Variants in PBX1 observed in about 807,000 individuals in gnomAD.
The protein encoded by PBX1 is pre-B-cell leukemia transcription factor 1.
In PBX1, 6 loss-of-function variants were observed where a neutral mutation model predicts 53.4. The ratio of observed to expected loss-of-function variants is 0.11; its 90% CI spans 0.06 to 0.22. PBX1 has a LOEUF of 0.22. Among genes scored for constraint, PBX1 ranks in the 10% least tolerant of loss-of-function variants. The pLI is 1.00. For missense variants in PBX1, 251 were observed against 551.4 expected (o/e 0.46, Z 5.46); for synonymous variants, 204 against 212.3 (o/e 0.96, Z 0.34).
chr1:164,728,139 A>T (rs1391840198), intron 2 of PBX1, among the ~76,000 whole-genome samples: 2 of 152,136 alleles, frequency 1.3e-5, no homozygotes, highest in Non-Finnish European at 2.9e-5. Flanking sequence ...AGCCTGGGCC[A>T]CATAGTAGAC....
rs539640144 is a variant in PBX1, at chr1:164,788,886, A to T, written c.266-3608A>T. Among the ~76,000 whole-genome samples, 262 of 152,026 alleles carry T rather than the reference A, an allele frequency of 1.7e-3. 1 individual carries two copies. The highest frequency in any genetic ancestry group is 6.8e-3 in the Middle Eastern group (2 of 294). ...GTGGTGCATTGTATCTATCTTATCA[A>T]TTTCTAATTGGCCACATTTAGAAAC... On this transcript the variant is annotated intron_variant, in intron 2 of 8. Transcript: ENST00000420696.
intron 2 of PBX1, among the ~76,000 whole-genome samples, chr1:164,791,425 C>G (rs1195668286): frequency 1.3e-5 from 2 of 152,222 alleles, no homozygotes; most frequent in African/African-American, 4.8e-5. Flanking sequence ...TTGTTTCCAA[C>G]AGGACAGAGT....
chr1:164,836,955 T>G (rs952166225), intron 8 of PBX1, among the ~76,000 whole-genome samples: 3 of 152,212 alleles, frequency 2.0e-5, no homozygotes, highest in Non-Finnish European at 4.4e-5. Context: ...ATGTCCTAAG[T>G]GTACTTGAAT....
chr1:164,626,065 C>T lies in PBX1; in HGVS notation c.265+62754C>T, dbSNP rs1318225953. ...CCGTTACCCCCCAGCCCACACACCA[C>T]CACCCCAGTTTTGGGTGGGGAGAAG... On this transcript the variant is annotated intron_variant, in intron 2 of 8. Coordinates refer to ENST00000420696, the MANE Select transcript of PBX1 (RefSeq NM_002585.4). 2.9e-6 allele frequency: 3 copies of T among 1,035,816 alleles called. No individual in the cohort carries two copies. The East Asian group carries it at 1.7e-4, about 60-fold the overall frequency. 64.2% of individuals were successfully genotyped at this position (1,035,816 alleles called of 1,614,324 possible).
At chr1:164,867,674 C>T (rs561634020) in intron 2 of PBX1, among the ~76,000 whole-genome samples, 1 of 152,326 alleles carries the variant, frequency 6.6e-6, no homozygotes, top group African/African-American at 2.4e-5. Flanking sequence ...CAGAATCAGC[C>T]AGATACCCAG....
chr1:164,874,898 C>T (rs1014762574), intron 2 of PBX1, among the ~76,000 whole-genome samples: 3 of 152,148 alleles, frequency 2.0e-5, no homozygotes, highest in African/African-American at 7.2e-5. Flanking sequence ...AGGAAAATGA[C>T]GGACTCATTT....
At chr1:164,844,277 A>G (rs1671453039) in intron 8 of PBX1, among the ~76,000 whole-genome samples, 1 of 152,024 alleles carries the variant, frequency 6.6e-6, no homozygotes, top group African/African-American at 2.4e-5. Context: ...AGATTTTCTT[A>G]TCTCGGGAAC....
At chr1:164,639,777 C>T (rs536899511) in intron 2 of PBX1, 1 of 152,282 alleles carries the variant, frequency 6.6e-6, no homozygotes, top group Non-Finnish European at 1.5e-5. Flanking sequence ...ATCCTCCCAC[C>T]TCAGCCTCCC....
At chr1:164,750,145 GGTGTGTGTGTGTGT>G (rs10665357) in intron 2 of PBX1, among the ~76,000 whole-genome samples, 3 of 140,806 alleles carry the variant, frequency 2.1e-5, no homozygotes, top group African/African-American at 8.0e-5. Context: ...GGGGCTAGTT[GGTGTGTGTGTGTGT>G]GTGTGTGTGT....
intron 2 of PBX1, among the ~76,000 whole-genome samples, chr1:164,669,888 G>T (rs1270968715): frequency 6.6e-6 from 1 of 152,172 alleles, no homozygotes; most frequent in Non-Finnish European, 1.5e-5. Flanking sequence ...GTGCTCTGAT[G>T]TTGGGTGCAT....
chr1:164,786,681 CTGTGTGTGTGTGTGTGTGTGTG>C (rs74747780), intron 2 of PBX1, among the ~76,000 whole-genome samples: 4 of 140,614 alleles, frequency 2.8e-5, no homozygotes, highest in Non-Finnish European at 4.6e-5. Context: ...TCAGAAGAGA[CTGTGTGTGTGTGTGTGTGTGTG>C]TGTGTGTGTG....
At chr1:164,590,166 C>T (rs896225615) in intron 2 of PBX1, among the ~76,000 whole-genome samples, 1 of 151,144 alleles carries the variant, frequency 6.6e-6, no homozygotes, top group African/African-American at 2.4e-5. Flanking sequence ...GAGCCGTGAT[C>T]GTGCTGCTGT....
intron 2 of PBX1, among the ~76,000 whole-genome samples, chr1:164,751,389 C>T (rs1031416876): frequency 2.0e-5 from 3 of 151,550 alleles, no homozygotes; most frequent in African/African-American, 7.3e-5. Context: ...ATGGAGTTTT[C>T]CACAGGCTTC....
intron 8 of PBX1, among the ~76,000 whole-genome samples, chr1:164,845,471 T>C (rs1490835470): frequency 6.6e-6 from 1 of 152,192 alleles, no homozygotes; most frequent in African/African-American, 2.4e-5. Flanking sequence ...CAGGGATGTC[T>C]CAGACCTGAT....
intron 3 of PBX1, among the ~76,000 whole-genome samples, chr1:164,797,313 A>C (rs1206112428): frequency 2.0e-5 from 3 of 152,152 alleles, no homozygotes. Flanking sequence ...CTTTGAGCCC[A>C]GACGAGGTGG....
chr1:164,875,988 G>GTATATATATA (rs369277110), intron 2 of PBX1, among the ~76,000 whole-genome samples: 1,902 of 56,678 alleles, frequency 0.034, 205 homozygotes, highest in African/African-American at 0.073. Flanking sequence ...TGGTGTATGT[G>GTATATATATA]TATATATATA....
intron 2 of PBX1, chr1:164,684,013 T>G (rs1661945417): frequency 6.6e-6 from 1 of 152,134 alleles, no homozygotes; most frequent in South Asian, 2.1e-4. Context: ...TGAAGGGGTC[T>G]CAGTATGTTG....
rs186833398 is a variant in PBX1 at position 164,711,107 on chromosome 1, C to T, written c.266-81387C>T. On this transcript the variant is annotated intron_variant, in intron 2 of 8. Coordinates refer to ENST00000420696, the MANE Select transcript of PBX1 (RefSeq NM_002585.4). ...TTTCTTACCACTCTGTTTATGGTAA[C>T]ATTTGAGGGGGGAAAATACATCACC... is the stretch of plus-strand genomic sequence containing the variant. Among the ~76,000 whole-genome samples the T allele has an allele frequency of 5.9e-5, 9 of 152,236 alleles. No individual in the cohort carries two copies. The East Asian group carries it at 1.4e-3, about 23-fold the overall frequency.
chr1:164,642,865 G>C (rs906071804), intron 2 of PBX1: 1 of 152,112 alleles, frequency 6.6e-6, no homozygotes, highest in Non-Finnish European at 1.5e-5. Context: ...ACCCAGCCCA[G>C]TTGTTTCAGA....
Sources: allele counts gnomAD v4.1 joint callset (sites outside exome capture counted in the v4.1 genomes callset), GRCh38; gene constraint gnomAD v4.1.1; transcripts MANE v1.5; gene names NCBI Gene and HGNC (gene_info 2026-07-23, HGNC 2026-07-21).